The following RFX3 variants were observed in gnomAD, a reference collection of about 807,000 sequenced individuals.
RFX3 encodes regulatory factor X3.
In RFX3, 14 loss-of-function variants were observed where a neutral mutation model predicts 98.6. The ratio of observed to expected loss-of-function variants is 0.14; its 90% CI spans 0.09 to 0.22. The LOEUF (loss-of-function observed/expected upper bound fraction) is 0.22. Among genes scored for constraint, RFX3 ranks in the 10% least tolerant of loss-of-function variants. RFX3 has a pLI of 1.00. For missense variants in RFX3, 639 were observed against 926.9 expected (o/e 0.69, Z 4.03); for synonymous variants, 383 against 328.4 (o/e 1.17, Z -1.80).
chr9:3,358,064 A>G (rs1483440580), intron 2 of RFX3, among the ~76,000 whole-genome samples: 1 of 152,078 alleles, frequency 6.6e-6, no homozygotes, highest in Non-Finnish European at 1.5e-5. Flanking sequence ...AAATTGGTTA[A>G]TTTGAAATTA....
intron 1 of RFX3, among the ~76,000 whole-genome samples, chr9:3,495,651 CT>C (rs1311850839): frequency 6.6e-6 from 1 of 152,028 alleles, no homozygotes; most frequent in East Asian, 1.9e-4. Flanking sequence ...ACTGTTTCCC[CT>C]GGCTCTAAAA....
At chr9:3,298,667 G>C (rs2129946967) in intron 5 of RFX3, among the ~76,000 whole-genome samples, 1 of 151,818 alleles carries the variant, frequency 6.6e-6, no homozygotes, top group East Asian at 1.9e-4. Context: ...ATTCTCTTAA[G>C]AATATGTTGA....
chr9:3,412,673 G>A (rs1417205502), intron 1 of RFX3, among the ~76,000 whole-genome samples: 1 of 152,044 alleles, frequency 6.6e-6, no homozygotes, highest in African/African-American at 2.4e-5. Flanking sequence ...CTATCACCTG[G>A]CTTAAAATAA....
At chr9:3,286,345 A>AT (rs1378320844) in intron 7 of RFX3, among the ~76,000 whole-genome samples, 1 of 151,770 alleles carries the variant, frequency 6.6e-6, no homozygotes, top group Admixed American at 6.6e-5. Flanking sequence ...TTATTTTATT[A>AT]TTTTTTTCAG....
chr9:3,440,188 TC>T (rs1478182905), intron 1 of RFX3, among the ~76,000 whole-genome samples: 2 of 152,046 alleles, frequency 1.3e-5, no homozygotes, highest in African/African-American at 4.8e-5. Context: ...TTCTCTATGA[TC>T]GGGAACAAGA....
intron 1 of RFX3, among the ~76,000 whole-genome samples, chr9:3,397,448 C>A (rs1030689750): frequency 6.6e-6 from 1 of 152,200 alleles, no homozygotes; most frequent in Admixed American, 6.5e-5. Flanking sequence ...ATTAACCCCT[C>A]TTGGCATCTG....
At chr9:3,460,289 G>A (rs1847570510) in intron 1 of RFX3, among the ~76,000 whole-genome samples, 2 of 151,914 alleles carry the variant, frequency 1.3e-5, no homozygotes, top group African/African-American at 2.4e-5. Flanking sequence ...TAAATTATAT[G>A]TTACTAAAAT....
intron 5 of RFX3, 115 bp from the exon 6 acceptor site, chr9:3,293,373 G>T: frequency 1.4e-6 from 1 of 724,450 alleles, no homozygotes; most frequent in Non-Finnish European, 2.2e-6. Flanking sequence ...CAAGTCTTAT[G>T]ATAGAGTAAA....
intron 1 of RFX3, among the ~76,000 whole-genome samples, chr9:3,517,045 G>C (rs1287398163): frequency 6.6e-6 from 1 of 152,170 alleles, no homozygotes; most frequent in Admixed American, 6.5e-5. Flanking sequence ...TTTCTTTCTT[G>C]TTCTTACCAG....
intron 1 of RFX3, among the ~76,000 whole-genome samples, chr9:3,444,380 G>T (rs1007293469): frequency 5.9e-5 from 9 of 151,968 alleles, no homozygotes; most frequent in African/African-American, 1.9e-4. Flanking sequence ...CATAGTGACA[G>T]AAAACAGAAG....
intron 2 of RFX3, among the ~76,000 whole-genome samples, chr9:3,377,841 G>A (rs918296337): frequency 6.6e-6 from 1 of 152,132 alleles, no homozygotes; most frequent in Non-Finnish European, 1.5e-5. Flanking sequence ...CACTTAAATA[G>A]GTGGATTTTA....
chr9:3,237,494 A>T (rs559746), intron 15 of RFX3, among the ~76,000 whole-genome samples: 117,265 of 152,124 alleles, frequency 0.77, 47,947 homozygotes, highest in East Asian at 0.97. Context: ...TTACTTGGAT[A>T]GTCAATGCAG....
chr9:3,480,232 G>A (rs1430407707), intron 1 of RFX3, among the ~76,000 whole-genome samples: 1 of 152,150 alleles, frequency 6.6e-6, no homozygotes, highest in Non-Finnish European at 1.5e-5. Context: ...GCCAGCAGGT[G>A]AGAAATGAGA....
chr9:3,438,782 G>C lies in RFX3; in HGVS notation c.-8-43186C>G, dbSNP rs1845378276. On this transcript the variant is annotated intron_variant, in intron 1 of 16. Transcript: ENST00000617270. ...TGATTTCAGAACAGAACTATTATTAGGAATACAGAGAATAATTTCATAATG... is the reference window on the plus strand; with the variant it reads ...TGATTTCAGAACAGAACTATTATTACGAATACAGAGAATAATTTCATAATG... Among the ~76,000 whole-genome samples the C allele has an allele frequency of 2.6e-5, 4 of 151,798 alleles. No homozygotes were observed. The South Asian group carries it at 8.3e-4, about 32-fold the overall frequency.
chr9:3,457,334 C>T (rs1049513640), intron 1 of RFX3, among the ~76,000 whole-genome samples: 1 of 152,008 alleles, frequency 6.6e-6, no homozygotes, highest in Non-Finnish European at 1.5e-5. Flanking sequence ...CCTAACCATT[C>T]ATATTTGCAA....
intron 14 of RFX3, among the ~76,000 whole-genome samples, chr9:3,255,958 T>C (rs192422106): frequency 3.3e-4 from 50 of 152,186 alleles, no homozygotes; most frequent in African/African-American, 1.2e-3. Flanking sequence ...TCATTCCTAA[T>C]CATTATCTCT....
intron 15 of RFX3, among the ~76,000 whole-genome samples, chr9:3,243,248 C>G (rs1820196850): frequency 6.8e-6 from 1 of 146,132 alleles, no homozygotes; most frequent in Non-Finnish European, 1.5e-5. Context: ...AGCTTGTGGA[C>G]AAATTTATAA....
At chr9:3,392,654 T>C (rs1268848288) in intron 2 of RFX3, among the ~76,000 whole-genome samples, 1 of 151,918 alleles carries the variant, frequency 6.6e-6, no homozygotes, top group African/African-American at 2.4e-5. Context: ...TATTTGAAAA[T>C]AGGCCTGCAT....
intron 4 of RFX3, among the ~76,000 whole-genome samples, chr9:3,326,679 G>C (rs2991308): frequency 0.13 from 19,315 of 152,036 alleles, 1,294 homozygotes; most frequent in Middle Eastern, 0.19. Flanking sequence ...TCTTTGTTAC[G>C]GGTGCATAGT....
Sources: allele counts gnomAD v4.1 joint callset (sites outside exome capture counted in the v4.1 genomes callset), GRCh38; gene constraint gnomAD v4.1.1; transcripts MANE v1.5; gene names NCBI Gene and HGNC (gene_info 2026-07-23, HGNC 2026-07-21).